Variants in ZSCAN2 observed in about 807,000 individuals in gnomAD.
ZSCAN2 encodes zinc finger and SCAN domain containing 2.
A neutral mutation model predicts 47.8 loss-of-function variants in ZSCAN2; 26 were observed. The ratio of observed to expected loss-of-function variants is 0.54; its 90% CI spans 0.40 to 0.75. ZSCAN2 has a LOEUF of 0.75. Ranked by LOEUF, ZSCAN2 falls within the 30% of genes least tolerant of loss-of-function variation. The pLI is 0.00. For synonymous variants in ZSCAN2, 305 were observed against 288.7 expected, an observed-to-expected ratio of 1.06 and a Z score of -0.57; for missense variants, 732 against 785.4, an observed-to-expected ratio of 0.93 and a Z score of 0.81.
chr15:84,604,364 G>C, intron 2 of ZSCAN2, 31 bp downstream of exon 2: 1 of 1,573,330 alleles, frequency 6.4e-7, no homozygotes, highest in Non-Finnish European at 8.6e-7. Flanking sequence ...GGGAGAGGGC[G>C]GGAGCACCCT....
intron 2 of ZSCAN2, among the ~76,000 whole-genome samples, 180 bp downstream of exon 2, chr15:84,604,513 A>G (rs1336873189): frequency 6.6e-6 from 1 of 152,184 alleles, no homozygotes; most frequent in Admixed American, 6.5e-5. Flanking sequence ...ACTGTGTGCA[A>G]AGTCAGCTCC....
In ZSCAN2 at chr15:84,620,864, A is replaced by C. The variant is rs1236098455; in HGVS notation, c.669A>C (p.Glu223Asp). ...CCTACCTAGGGGAGAAGCCCTACGA[A>C]TGTCCCCAGTGTGGGAAGACCTTCA... ...QGTYLGEKPY[E>D]CPQCGKTFSR... The change falls in exon 3 of 3, where the codon GAA (glutamate) becomes GAC (aspartate). Residue 223 changes from glutamate (E) to aspartate (D), a missense_variant. Glu to Asp is a conservative substitution (Grantham distance 45). Coordinates refer to ENST00000546148, the MANE Select transcript of ZSCAN2 (RefSeq NM_181877.4). 6.2e-7 allele frequency: 1 copy of C among 1,614,208 alleles called. No individual in the cohort carries two copies. The highest frequency in any genetic ancestry group is 1.7e-5 in the Admixed American group (1 of 60,032).
chr15:84,605,085 T>C (rs1895340958), intron 2 of ZSCAN2, among the ~76,000 whole-genome samples: 2 of 152,194 alleles, frequency 1.3e-5, no homozygotes, highest in Admixed American at 6.5e-5. Context: ...GTAAACCAGC[T>C]AATAACTAGG....
At chr15:84,616,145 G>A (rs1596035020) in intron 2 of ZSCAN2, among the ~76,000 whole-genome samples, 1 of 152,162 alleles carries the variant, frequency 6.6e-6, no homozygotes, top group East Asian at 1.9e-4. Flanking sequence ...GCTGAGGCAG[G>A]AGAATCGCTT....
chr15:84,621,727 T>G lies in ZSCAN2; in HGVS notation c.1532T>G (p.Phe511Cys), dbSNP rs1239622528. The change falls in exon 3 of 3, where the codon TTC becomes TGC. Residue 511 changes from phenylalanine (F) to cysteine (C), a missense_variant. By Grantham distance (205) the Phe-to-Cys change is radical. This residue lies in a region of ZSCAN2 where 412 missense variants were observed against 498.0 expected (regional missense o/e 0.83). Transcript: ENST00000546148. The surrounding 1 kb of genome is among the most constrained non-coding windows in gnomAD (Gnocchi z 5.7). The stretch of plus-strand genomic sequence containing the variant: ...AAATGCAGCGAGTGTGGGAAATGCT[T>G]CAGCCAGCGCTCCCAGCTCGTAGTG... ...PYKCSECGKC[F>C]SQRSQLVVHQ... 1.9e-6 allele frequency: 3 copies of G among 1,614,192 alleles called. No individual in the cohort carries two copies. Among genetic ancestry groups the G allele is most frequent in the Non-Finnish European group, 2.5e-6 (3 of 1,180,024 alleles).
chr15:84,603,971 C>T lies in ZSCAN2; in HGVS notation c.44C>T (p.Ser15Phe). ...DIPRVTTPLS[S>F]LVQVPQEEDR... The stretch of plus-strand genomic sequence containing the variant: ...CCGAGAGTGACCACTCCGCTGAGCT[C>T]CTTGGTCCAGGTGCCTCAAGAGGAA... Residue 15 changes from serine (S) to phenylalanine (F), a missense_variant, in exon 2 of 3, where the codon TCC becomes TTC. Physicochemically the swap from Ser to Phe is radical, Grantham distance 155 (BLOSUM62 -2). This residue lies in a region of ZSCAN2 where 320 missense variants were observed against 287.4 expected (regional missense o/e 1.11). Transcript: ENST00000546148. The T allele has an allele frequency of 6.2e-7, 1 of 1,613,938 alleles. No homozygotes were observed. Among genetic ancestry groups the T allele is most frequent in the Non-Finnish European group, 8.5e-7 (1 of 1,180,008 alleles).
Position 84,622,510 on chromosome 15 carries a change from C to A in ZSCAN2, c.*470C>A. On this transcript the variant is annotated 3_prime_UTR_variant, in exon 3 of 3. Coordinates refer to ENST00000546148, the MANE Select transcript of ZSCAN2 (RefSeq NM_181877.4). The stretch of plus-strand genomic sequence containing the variant: ...GCCTTCACCCCAAGCTGTTAGTGTT[C>A]CAGGGCACCCCAAGCTGTCAGTTAG... 1.5e-6 allele frequency: 1 copy of A among 669,108 alleles called. No individual in the cohort carries two copies. The highest frequency in any genetic ancestry group is 2.8e-6 in the Non-Finnish European group (1 of 362,304). The allele number at this position is 669,108 out of a possible 1,614,324, so 41.4% of individuals were successfully genotyped here. A position where few individuals can be genotyped will look rare whatever the true frequency, so the allele number is the denominator to read the frequency against.
chr15:84,623,557 G>A lies in ZSCAN2; in HGVS notation c.*1517G>A. 3 of 167,670 alleles carry A rather than the reference G, an allele frequency of 1.8e-5. No homozygotes were observed. 10.4% of individuals were successfully genotyped at this position (167,670 alleles called of 1,614,324 possible). ...GCACCTGGAGAGTGAAGACGGGCAT[G>A]ACGGCAGGTGAAGGGGTTTGCTGTG... On this transcript the variant is annotated 3_prime_UTR_variant, in exon 3 of 3. Transcript: ENST00000546148.
intron 2 of ZSCAN2, chr15:84,614,496 A>G (rs752365414): frequency 1.3e-5 from 2 of 152,186 alleles, no homozygotes; most frequent in Non-Finnish European, 1.5e-5. Flanking sequence ...CCCAGTTGCC[A>G]TGGTAGTTTT....
chr15:84,604,327 G>C lies in ZSCAN2; in HGVS notation c.400G>C (p.Asp134His). 6.2e-7 allele frequency: 1 copy of C among 1,607,646 alleles called. No homozygotes were observed. Among genetic ancestry groups the C allele is most frequent in the Non-Finnish European group, 8.5e-7 (1 of 1,176,444 alleles). Residue 134 changes from aspartate to histidine, a missense_variant, in exon 2 of 3, where the codon GAC (aspartate) becomes CAC (histidine). By Grantham distance (81) the Asp-to-His change is moderately conservative (BLOSUM62 -1). Around this residue, in one of 2 missense-constraint regions of ZSCAN2, gnomAD observed 320 missense variants for 287.4 expected, o/e 1.11. Coordinates refer to ENST00000546148, the MANE Select transcript of ZSCAN2 (RefSeq NM_181877.4). ...GGAAGACTTGACCCAGACCCTTCAG[G>C]ACAGTGGTGAGACGCAGAACCTCAT... ...LVEDLTQTLQ[D>H]SDFEIQSENG...
chr15:84,603,979 C>T lies in ZSCAN2; in HGVS notation c.52C>T (p.Gln18Ter). Residue 18 changes from glutamine to a stop codon, truncating the protein, a stop_gained, in exon 2 of 3, where the codon CAG becomes TAG. Transcript: ENST00000546148. LOFTEE classifies it high-confidence loss of function. Reference sequence around the variant, plus strand: ...GACCACTCCGCTGAGCTCCTTGGTCCAGGTGCCTCAAGAGGAAGATAGACA... The same window carrying T: ...GACCACTCCGCTGAGCTCCTTGGTCTAGGTGCCTCAAGAGGAAGATAGACA... ...RVTTPLSSLV[Q>*]VPQEEDRQEE... 6.2e-7 allele frequency: 1 copy of T among 1,613,946 alleles called. No individual in the cohort carries two copies. The highest frequency in any genetic ancestry group is 8.5e-7 in the Non-Finnish European group (1 of 1,180,002).
intron 2 of ZSCAN2, among the ~76,000 whole-genome samples, chr15:84,604,911 T>A (rs1006066360): frequency 2.0e-5 from 3 of 151,938 alleles, no homozygotes; most frequent in African/African-American, 4.8e-5. Context: ...CTAATTTTTT[T>A]ATTTTTCGTA....
chr15:84,607,613 A>C (rs1344897222), intron 2 of ZSCAN2, among the ~76,000 whole-genome samples: 1 of 151,930 alleles, frequency 6.6e-6, no homozygotes, highest in South Asian at 2.1e-4. Context: ...GGTTCAAGTG[A>C]TTCTCCTGCC....
chr15:84,607,486 T>C (rs1196791428), intron 2 of ZSCAN2, among the ~76,000 whole-genome samples: 1 of 151,816 alleles, frequency 6.6e-6, no homozygotes, highest in Non-Finnish European at 1.5e-5. Flanking sequence ...TCTTGCTCTT[T>C]CTTGAACACA....
Position 84,621,015 on chromosome 15 carries a change from G to A in ZSCAN2, c.820G>A (p.Gly274Arg), listed in dbSNP as rs748429984. The change falls in exon 3 of 3, where the codon GGG becomes AGG. Residue 274 changes from glycine (G) to arginine (R), a missense_variant. By Grantham distance (125) the Gly-to-Arg change is moderately radical. Transcript: ENST00000546148. This position sits in a 1 kb window ranked among gnomAD's most constrained non-coding sequence, Gnocchi z 5.7. ...TAGTAGACACCAAACCACTCACACCGGGGAGAAGCCCTACAAATGCAGAGA... is the reference window on the plus strand; with the variant it reads ...TAGTAGACACCAAACCACTCACACCAGGGAGAAGCCCTACAAATGCAGAGA... ...NFSRHQTTHT[G>R]EKPYKCRDCG... is the part of the protein sequence containing the mutation. The A allele has an allele frequency of 3.6e-5, 58 of 1,613,938 alleles. 1 individual carries two copies. The South Asian group carries it at 3.6e-4, about 10-fold the overall frequency.
In ZSCAN2 at chr15:84,621,697, C is replaced by A; in HGVS notation, c.1502C>A (p.Pro501His). The A allele has an allele frequency of 1.2e-6, 2 of 1,614,214 alleles. No individual in the cohort carries two copies. Among genetic ancestry groups the A allele is most frequent in the Non-Finnish European group, 1.7e-6 (2 of 1,180,038 alleles). Residue 501 changes from proline (P) to histidine (H), a missense_variant, in exon 3 of 3, where the codon CCC (proline) becomes CAC (histidine). Pro to His is a moderately conservative substitution (Grantham distance 77, BLOSUM62 -2). Coordinates refer to ENST00000546148, the MANE Select transcript of ZSCAN2 (RefSeq NM_181877.4). The surrounding 1 kb of genome is among the most constrained non-coding windows in gnomAD (Gnocchi z 5.7). ...KHQRIHTGEK[P>H]YKCSECGKCF... ...CAGAGGATCCACACGGGAGAGAAAC[C>A]CTACAAATGCAGCGAGTGTGGGAAA...
At chr15:84,609,925 C>G (rs1895495402) in intron 2 of ZSCAN2, among the ~76,000 whole-genome samples, 1 of 152,220 alleles carries the variant, frequency 6.6e-6, no homozygotes, top group Admixed American at 6.5e-5. Flanking sequence ...TGAGTCTTCC[C>G]CATGTTCATT....
chr15:84,621,975 G>A lies in ZSCAN2; in HGVS notation c.1780G>A (p.Gly594Ser). 1 of 1,614,106 alleles carries A rather than the reference G, an allele frequency of 6.2e-7. No homozygotes were observed. Among genetic ancestry groups the A allele is most frequent in the Non-Finnish European group, 8.5e-7 (1 of 1,179,976 alleles). The change falls in exon 3 of 3, where the codon GGC becomes AGC. Residue 594 changes from glycine (G) to serine (S), a missense_variant. Around this residue, in one of 2 missense-constraint regions of ZSCAN2, gnomAD observed 412 missense variants for 498.0 expected, o/e 0.83. Coordinates refer to ENST00000546148, the MANE Select transcript of ZSCAN2 (RefSeq NM_181877.4). This position sits in a 1 kb window ranked among gnomAD's most constrained non-coding sequence, Gnocchi z 5.7. ...KPYKCPECGKGFSNSSNFITH... is the reference protein window; with the variant it reads ...KPYKCPECGKSFSNSSNFITH... ...CTACAAATGCCCCGAGTGTGGCAAAGGCTTCAGCAACAGCTCTAACTTTAT... is the reference window on the plus strand; with the variant it reads ...CTACAAATGCCCCGAGTGTGGCAAAAGCTTCAGCAACAGCTCTAACTTTAT...
At position 84,611,108 on chromosome 15, in the gene ZSCAN2, A is replaced by G. The variant is rs533994473; in HGVS notation, c.406+6775A>G. Among the ~76,000 whole-genome samples, 23 of 151,736 alleles carry G rather than the reference A, an allele frequency of 1.5e-4. 1 individual carries two copies. In the South Asian group the frequency reaches 2.7e-3, roughly 18 times the overall value. The stretch of plus-strand genomic sequence containing the variant: ...GGAGTTCAAGACCAGCCTGGCCAAC[A>G]TGGTGAAACCCCATCTCTACGAAAA... On this transcript the variant is annotated intron_variant, in intron 2 of 2. Transcript: ENST00000546148.
Sources: allele counts gnomAD v4.1 joint callset (sites outside exome capture counted in the v4.1 genomes callset), GRCh38; gene constraint gnomAD v4.1.1; regional missense constraint gnomAD v4.1.1; non-coding constraint Gnocchi (gnomAD v3.1); transcripts MANE v1.5; gene names NCBI Gene and HGNC (gene_info 2026-07-23, HGNC 2026-07-21).